The following CDH13 variants were observed in gnomAD, a reference collection of about 807,000 sequenced individuals.
The protein encoded by CDH13 is cadherin-13.
CDH13 carries 24 observed loss-of-function variants against 63.8 expected under a neutral mutation model. The ratio of observed to expected loss-of-function variants is 0.38; its 90% CI spans 0.27 to 0.53. The LOEUF is 0.53. CDH13 is among the 20% of genes least tolerant of loss of function. CDH13 has a pLI of 0.85. For missense variants in CDH13, 1,049 were observed against 903.1 expected, an observed-to-expected ratio of 1.16 and a Z score of -2.07; for synonymous variants, 503 against 355.3, an observed-to-expected ratio of 1.42 and a Z score of -4.67.
intron 3 of CDH13, among the ~76,000 whole-genome samples, chr16:83,070,587 A>G (rs2032359056): frequency 6.6e-6 from 1 of 152,192 alleles, no homozygotes; most frequent in African/African-American, 2.4e-5. Flanking sequence ...AAGTTGCTTT[A>G]GAAAAGCAAA....
intron 7 of CDH13, among the ~76,000 whole-genome samples, chr16:83,589,281 C>CCT (rs1188689280): frequency 6.6e-5 from 8 of 121,246 alleles, no homozygotes; most frequent in South Asian, 3.9e-4. Flanking sequence ...CTCCCTTTCC[C>CCT]CCCCCCGGAC....
intron 5 of CDH13, among the ~76,000 whole-genome samples, chr16:83,288,131 G>A (rs548443171): frequency 3.9e-4 from 59 of 152,218 alleles, no homozygotes; most frequent in African/African-American, 1.0e-3. Context: ...AAAATATTGC[G>A]TTAAAATAGT....
intron 6 of CDH13, among the ~76,000 whole-genome samples, chr16:83,346,136 C>G (rs16960273): frequency 6.6e-6 from 1 of 152,226 alleles, no homozygotes; most frequent in Non-Finnish European, 1.5e-5. Context: ...AAATGCGCTC[C>G]GTAAAAATGA....
chr16:83,783,221 C>A, intron 12 of CDH13, 33 bp from the exon 13 acceptor site: 1 of 1,467,802 alleles, frequency 6.8e-7, no homozygotes, highest in Non-Finnish European at 9.5e-7. Context: ...AAAGTCTCAT[C>A]CACTCTCACC....
chr16:83,731,596 T>C (rs760374155), intron 10 of CDH13, among the ~76,000 whole-genome samples: 19 of 152,230 alleles, frequency 1.2e-4, no homozygotes, highest in Non-Finnish European at 2.6e-4. Flanking sequence ...AATATTTCTT[T>C]CCATTCTATA....
chr16:83,144,557 T>C (rs897599661), intron 4 of CDH13, among the ~76,000 whole-genome samples: 14 of 152,226 alleles, frequency 9.2e-5, no homozygotes, highest in Admixed American at 7.9e-4. Context: ...ACATAATAGA[T>C]GCACTGTATT....
At chr16:83,406,573 C>G (rs866241002) in intron 6 of CDH13, among the ~76,000 whole-genome samples, 1 of 152,182 alleles carries the variant, frequency 6.6e-6, no homozygotes. Context: ...CAGCGATTCT[C>G]CTGCCTTAGC....
intron 6 of CDH13, among the ~76,000 whole-genome samples, chr16:83,406,499 C>G (rs2092049676): frequency 6.7e-6 from 1 of 150,224 alleles, no homozygotes; most frequent in African/African-American, 2.4e-5. Context: ...AGTCTTGCTT[C>G]ATCGCCCAGG....
At chr16:83,453,715 T>C (rs911109775) in intron 6 of CDH13, among the ~76,000 whole-genome samples, 1 of 152,158 alleles carries the variant, frequency 6.6e-6, no homozygotes, top group Non-Finnish European at 1.5e-5. Context: ...TCTGCCGTAC[T>C]CCCGAACTTG....
intron 5 of CDH13, among the ~76,000 whole-genome samples, chr16:83,326,212 C>G (rs1035965499): frequency 6.6e-6 from 1 of 152,032 alleles, no homozygotes; most frequent in African/African-American, 2.4e-5. Flanking sequence ...TTTCGCCGGA[C>G]AACAACAACA....
chr16:82,660,525 T>G (rs1441569121), intron 1 of CDH13, among the ~76,000 whole-genome samples: 1 of 151,972 alleles, frequency 6.6e-6, no homozygotes, highest in Non-Finnish European at 1.5e-5. Context: ...GGGATTAAAT[T>G]CAGAGCAAGA....
intron 7 of CDH13, among the ~76,000 whole-genome samples, chr16:83,506,760 T>G (rs947904857): frequency 6.6e-6 from 1 of 152,230 alleles, no homozygotes; most frequent in Non-Finnish European, 1.5e-5. Context: ...AATGCCGTGT[T>G]GTAGGGAAGC....
intron 7 of CDH13, among the ~76,000 whole-genome samples, chr16:83,493,385 T>C (rs1467279610): frequency 1.3e-5 from 2 of 152,220 alleles, no homozygotes; most frequent in African/African-American, 4.8e-5. Context: ...TAAATAAGTA[T>C]TGAGCACCAC....
intron 7 of CDH13, among the ~76,000 whole-genome samples, chr16:83,560,964 G>A (rs1006771770): frequency 2.6e-5 from 4 of 152,072 alleles, no homozygotes; most frequent in African/African-American, 9.7e-5. Context: ...GGTATGTCTA[G>A]CAAATTAGAA....
At chr16:83,009,735 C>T (rs1913927017) in intron 2 of CDH13, among the ~76,000 whole-genome samples, 1 of 152,198 alleles carries the variant, frequency 6.6e-6, no homozygotes, top group African/African-American at 2.4e-5. Context: ...GCTGTACAAG[C>T]ATTTAGGAGA....
At chr16:82,829,107 G>T (rs893358083) in intron 1 of CDH13, among the ~76,000 whole-genome samples, 2 of 152,156 alleles carry the variant, frequency 1.3e-5, no homozygotes, top group Non-Finnish European at 2.9e-5. Flanking sequence ...TGGTTGGAGT[G>T]GGGTGGGAGA....
chr16:83,359,613 C>T (rs528907877), intron 6 of CDH13, among the ~76,000 whole-genome samples: 89 of 152,222 alleles, frequency 5.8e-4, no homozygotes, highest in East Asian at 3.7e-3. Context: ...GCACTTTGTA[C>T]GAGTTTGAAT....
At chr16:83,496,042 C>G (rs1354917334) in intron 7 of CDH13, among the ~76,000 whole-genome samples, 1 of 151,266 alleles carries the variant, frequency 6.6e-6, no homozygotes, top group Non-Finnish European at 1.5e-5. Flanking sequence ...ATTCCATGCT[C>G]ATGGGTAGGA....
chr16:82,920,965 T>A lies in CDH13; in HGVS notation c.157+62492T>A, dbSNP rs185038031. On this transcript the variant is annotated intron_variant, in intron 2 of 13. Transcript: ENST00000567109. ...TGAATAAGTGTTAGATTTTATCAAA[T>A]TTTTTTTCTGCATCTTTTGAGATGA... 7.9e-5 allele frequency among the ~76,000 whole-genome samples: 12 copies of A among 152,208 alleles called. No homozygotes were observed. The East Asian group carries it at 2.1e-3, about 27-fold the overall frequency.
Sources: allele counts gnomAD v4.1 joint callset (sites outside exome capture counted in the v4.1 genomes callset), GRCh38; gene constraint gnomAD v4.1.1; transcripts MANE v1.5; gene names NCBI Gene and HGNC (gene_info 2026-07-23, HGNC 2026-07-21).